The following SH3BGR variants were observed in gnomAD, a reference collection of about 807,000 sequenced individuals.
SH3BGR encodes SH3 domain binding glutamate rich protein.
In SH3BGR, 29 loss-of-function variants were observed where a neutral mutation model predicts 24.5. That is an observed-to-expected ratio of 1.18 (90% CI 0.88 to 1.61). The LOEUF is 1.61. SH3BGR is among the 40% of genes most tolerant of loss of function. The pLI is 0.00. For missense variants in SH3BGR, 162 were observed against 205.8 expected (o/e 0.79, Z 1.30); for synonymous variants, 55 against 65.7 (o/e 0.84, Z 0.79).
intron 4 of SH3BGR, among the ~76,000 whole-genome samples, chr21:39,503,410 CTT>C (rs936437760): frequency 2.2e-4 from 33 of 151,602 alleles, no homozygotes; most frequent in Admixed American, 7.9e-4. Context: ...AAGTTTTTAC[CTT>C]TTTTTTAAAA....
chr21:39,472,424 C>T (rs1389691068), intron 2 of SH3BGR, among the ~76,000 whole-genome samples: 1 of 152,210 alleles, frequency 6.6e-6, no homozygotes, highest in Non-Finnish European at 1.5e-5. Flanking sequence ...CCCCACCTCC[C>T]AACACTGTTG....
chr21:39,454,021 A>T (rs1384210507), intron 1 of SH3BGR, among the ~76,000 whole-genome samples: 1 of 152,224 alleles, frequency 6.6e-6, no homozygotes, highest in Non-Finnish European at 1.5e-5. Flanking sequence ...TTATTAGCTA[A>T]TATTATTTAG....
chr21:39,455,107 A>C (rs962337270), intron 1 of SH3BGR, among the ~76,000 whole-genome samples: 2 of 152,198 alleles, frequency 1.3e-5, no homozygotes, highest in African/African-American at 4.8e-5. Context: ...AAAGTCTCCT[A>C]ACTGTACAAG....
At chr21:39,447,448 C>T (rs2077514804), upstream of SH3BGR, among the ~76,000 whole-genome samples, 1 of 130,468 alleles carries the variant, frequency 7.7e-6, no homozygotes, top group African/African-American at 2.9e-5. Flanking sequence ...AGACGTATCA[C>T]TCTATCGCTC....
intron 3 of SH3BGR, among the ~76,000 whole-genome samples, chr21:39,485,970 G>T (rs1018801003): frequency 6.6e-6 from 1 of 151,956 alleles, no homozygotes; most frequent in African/African-American, 2.4e-5. Context: ...TTACAGGCGT[G>T]AGCCACCACG....
intron 1 of SH3BGR, among the ~76,000 whole-genome samples, chr21:39,457,490 CTT>C (rs1438834077): frequency 1.4e-5 from 2 of 139,990 alleles, no homozygotes; most frequent in Admixed American, 7.2e-5. Context: ...ATATATAAAT[CTT>C]ATATATATGA....
At chr21:39,512,346 G>GT (rs1258682435) in intron 6 of SH3BGR, among the ~76,000 whole-genome samples, 1 of 152,082 alleles carries the variant, frequency 6.6e-6, no homozygotes, top group African/African-American at 2.4e-5. Flanking sequence ...CTCCATTTCC[G>GT]TTTCTATTAA....
At chr21:39,469,747 G>A (rs746409042) in intron 2 of SH3BGR, among the ~76,000 whole-genome samples, 7 of 151,836 alleles carry the variant, frequency 4.6e-5, no homozygotes, top group Admixed American at 3.3e-4. Context: ...TCTGCCTCCC[G>A]AGTTCAAGTG....
At chr21:39,447,659 T>C (rs868143325), upstream of SH3BGR, among the ~76,000 whole-genome samples, 68 of 152,216 alleles carry the variant, frequency 4.5e-4, no homozygotes, top group Middle Eastern at 3.4e-3. Context: ...CCTCAAGTGA[T>C]CTGCCCGCCT....
At chr21:39,490,490 G>A (rs1436587564) in intron 3 of SH3BGR, among the ~76,000 whole-genome samples, 6 of 152,004 alleles carry the variant, frequency 3.9e-5, no homozygotes, top group African/African-American at 1.2e-4. Context: ...TATTCTTCTT[G>A]TATTTTAAAA....
chr21:39,456,875 G>C (rs925090114), intron 1 of SH3BGR, among the ~76,000 whole-genome samples: 1 of 152,056 alleles, frequency 6.6e-6, no homozygotes, highest in Non-Finnish European at 1.5e-5. Flanking sequence ...GTGGCAAACA[G>C]AGCCTTTAAT....
chr21:39,478,443 C>T (rs1418471566), intron 3 of SH3BGR, among the ~76,000 whole-genome samples: 1 of 152,156 alleles, frequency 6.6e-6, no homozygotes, highest in East Asian at 1.9e-4. Context: ...TTTCCCAATT[C>T]TGGGAGATTT....
In SH3BGR at chr21:39,511,801, C is replaced by G; in HGVS notation, c.*26C>G. ...GCCTTTTCATGCTTCATTTCTTCCA[C>G]TTCTCCAGGTAGCTACAGGATTCTG... On this transcript the variant is annotated 3_prime_UTR_variant, in exon 6 of 7. Coordinates refer to ENST00000333634, the MANE Select transcript of SH3BGR (RefSeq NM_007341.3). The surrounding 1 kb of genome is among the most constrained non-coding windows in gnomAD (Gnocchi z 4.2). 6.2e-7 allele frequency: 1 copy of G among 1,606,672 alleles called. No homozygotes were observed. The highest frequency in any genetic ancestry group is 1.3e-5 in the African/African-American group (1 of 74,536).
intron 1 of SH3BGR, among the ~76,000 whole-genome samples, chr21:39,459,361 A>G (rs1222918242): frequency 6.6e-6 from 1 of 151,898 alleles, no homozygotes; most frequent in Admixed American, 6.6e-5. Context: ...AGTAGCTTGC[A>G]CTACAGGTGC....
intron 2 of SH3BGR, among the ~76,000 whole-genome samples, chr21:39,471,405 G>T (rs76797340): frequency 6.6e-6 from 1 of 152,026 alleles, no homozygotes; most frequent in East Asian, 1.9e-4. Context: ...AGCATAGTGA[G>T]ACCTTGTCTC....
At chr21:39,473,895 A>AAAG (rs1555911828) in intron 2 of SH3BGR, among the ~76,000 whole-genome samples, 1 of 150,818 alleles carries the variant, frequency 6.6e-6, no homozygotes, top group East Asian at 1.9e-4. Flanking sequence ...AAAAAAAAAA[A>AAAG]CAAAAAACAG....
At chr21:39,484,146 A>T (rs531218841) in intron 3 of SH3BGR, among the ~76,000 whole-genome samples, 1 of 152,326 alleles carries the variant, frequency 6.6e-6, no homozygotes, top group African/African-American at 2.4e-5. Flanking sequence ...AATGAGAATG[A>T]TGGGAAAAGG....
At position 39,457,880 on chromosome 21, in the gene SH3BGR, G is replaced by A. The variant is rs138733920; in HGVS notation, c.46-4495G>A. 3.9e-3 allele frequency among the ~76,000 whole-genome samples: 590 copies of A among 152,102 alleles called. 3 individuals carry two copies. Among genetic ancestry groups the A allele is most frequent in the African/African-American group, 0.014 (576 of 41,500 alleles). Reference sequence around the variant, plus strand: ...ATTGAGACTGCAGTGAGCCAAGATCGTGCCACTGCGCTCCAGCCTGGGCAA... The same window carrying A: ...ATTGAGACTGCAGTGAGCCAAGATCATGCCACTGCGCTCCAGCCTGGGCAA... On this transcript the variant is annotated intron_variant, in intron 1 of 6. Coordinates refer to ENST00000333634, the MANE Select transcript of SH3BGR (RefSeq NM_007341.3).
At chr21:39,480,488 G>C (rs1359810075) in intron 3 of SH3BGR, among the ~76,000 whole-genome samples, 1 of 152,176 alleles carries the variant, frequency 6.6e-6, no homozygotes, top group East Asian at 1.9e-4. Flanking sequence ...GCATCATGTT[G>C]TCAAGGCTTG....
Sources: allele counts gnomAD v4.1 joint callset (sites outside exome capture counted in the v4.1 genomes callset), GRCh38; gene constraint gnomAD v4.1.1; non-coding constraint Gnocchi (gnomAD v3.1); transcripts MANE v1.5; gene names NCBI Gene and HGNC (gene_info 2026-07-23, HGNC 2026-07-21).